The following FCHSD2 variants were observed in gnomAD, a reference collection of about 807,000 sequenced individuals.
FCHSD2 encodes the protein F-BAR and double SH3 domains protein 2.
FCHSD2 carries 38 observed loss-of-function variants against 108.1 expected under a neutral mutation model. The ratio of observed to expected loss-of-function variants is 0.35; its 90% confidence interval spans 0.27 to 0.46. The LOEUF (loss-of-function observed/expected upper bound fraction) is 0.46, where lower values mean the gene tolerates loss of function less well. Ranked by LOEUF, FCHSD2 falls within the 20% of genes least tolerant of loss-of-function variation. The pLI is 1.00. For synonymous variants in FCHSD2, 279 were observed against 314.7 expected (o/e 0.89, Z 1.20); for missense variants, 751 against 897.8 (o/e 0.84, Z 2.09).
chr11:72,861,837 A>G (rs1288804008), intron 13 of FCHSD2, among the ~76,000 whole-genome samples: 1 of 151,990 alleles, frequency 6.6e-6, no homozygotes, highest in East Asian at 1.9e-4. Context: ...AGGCTGAAGC[A>G]GAAGAATCGC....
At chr11:73,041,361 T>C (rs955499582) in intron 3 of FCHSD2, among the ~76,000 whole-genome samples, 26 of 152,216 alleles carry the variant, frequency 1.7e-4, no homozygotes, top group Non-Finnish European at 7.4e-5. Context: ...GTATAAGAGT[T>C]ACCTTTTATC....
intron 9 of FCHSD2, among the ~76,000 whole-genome samples, chr11:72,919,699 TC>T (rs1051356533): frequency 1.3e-5 from 2 of 152,162 alleles, no homozygotes; most frequent in African/African-American, 4.8e-5. Context: ...GTGTCTCCAG[TC>T]CAACTTATTC....
At chr11:72,947,427 C>T (rs1344344294) in intron 8 of FCHSD2, among the ~76,000 whole-genome samples, 2 of 152,228 alleles carry the variant, frequency 1.3e-5, no homozygotes, top group East Asian at 3.8e-4. Flanking sequence ...GTGATACACA[C>T]TTACAAGTTG....
intron 3 of FCHSD2, among the ~76,000 whole-genome samples, chr11:73,054,964 A>G (rs1858988954): frequency 6.6e-6 from 1 of 152,142 alleles, no homozygotes; most frequent in Admixed American, 6.5e-5. Flanking sequence ...CATACTTGAG[A>G]CTGGGTAGTT....
At chr11:72,967,311 G>A (rs1856928620) in intron 8 of FCHSD2, among the ~76,000 whole-genome samples, 1 of 152,074 alleles carries the variant, frequency 6.6e-6, no homozygotes, top group South Asian at 2.1e-4. Context: ...GGAAATAGAT[G>A]AGAATAGAGA....
At chr11:73,077,676 C>T (rs780753642) in intron 3 of FCHSD2, 13 of 407,160 alleles carry the variant, frequency 3.2e-5, no homozygotes, top group Non-Finnish European at 5.7e-5. Flanking sequence ...GAATACTACA[C>T]AGCAATAAAA....
chr11:72,920,132 G>T (rs1855950939), intron 9 of FCHSD2, among the ~76,000 whole-genome samples: 1 of 151,876 alleles, frequency 6.6e-6, no homozygotes, highest in Admixed American at 6.6e-5. Context: ...TGAATATAAA[G>T]GCAAAAATTA....
At position 73,018,523 on chromosome 11, in the gene FCHSD2, T is replaced by TC. The variant is rs952134317; in HGVS notation, c.166-2639_166-2638insG. Among the ~76,000 whole-genome samples, 5 of 151,984 alleles carry TC rather than the reference T, an allele frequency of 3.3e-5. No individual in the cohort carries two copies. In the East Asian group the frequency reaches 9.6e-4, roughly 29 times the overall value. ...CATCAGGTACAGATCTTGTCTTTTTTTTTTTTTTTTAATCATTATATCCCC... is the reference window on the plus strand; with the variant it reads ...CATCAGGTACAGATCTTGTCTTTTTTCTTTTTTTTTTAATCATTATATCCCC... On this transcript the variant is annotated intron_variant, in intron 3 of 19. Coordinates refer to ENST00000409418, the MANE Select transcript of FCHSD2 (RefSeq NM_014824.3).
chr11:72,955,979 C>T (rs1856703785), intron 8 of FCHSD2, among the ~76,000 whole-genome samples: 1 of 152,140 alleles, frequency 6.6e-6, no homozygotes. Flanking sequence ...ATATCATCCT[C>T]CACTAAAAGG....
At chr11:73,140,551 A>T (rs1001096655) in intron 1 of FCHSD2, among the ~76,000 whole-genome samples, 6 of 152,186 alleles carry the variant, frequency 3.9e-5, no homozygotes, top group Non-Finnish European at 7.4e-5. Context: ...ATACCCAATG[A>T]CCAATATTTA....
intron 12 of FCHSD2, among the ~76,000 whole-genome samples, chr11:72,868,500 A>C (rs983864489): frequency 6.6e-6 from 1 of 152,268 alleles, no homozygotes; most frequent in East Asian, 1.9e-4. Context: ...AAACCCGCAC[A>C]TCCTGCACAC....
intron 3 of FCHSD2, among the ~76,000 whole-genome samples, chr11:73,029,454 C>T (rs1858308269): frequency 6.6e-6 from 1 of 152,216 alleles, no homozygotes; most frequent in South Asian, 2.1e-4. Context: ...CAGCTCTTAG[C>T]TCAGCTGTGG....
At chr11:73,048,747 C>A (rs1858824426) in intron 3 of FCHSD2, among the ~76,000 whole-genome samples, 1 of 152,050 alleles carries the variant, frequency 6.6e-6, no homozygotes, top group Non-Finnish European at 1.5e-5. Flanking sequence ...GCCGTATGAC[C>A]AAGTCTAAAA....
chr11:72,890,650 C>T (rs1855294930), intron 10 of FCHSD2, among the ~76,000 whole-genome samples: 2 of 151,566 alleles, frequency 1.3e-5, no homozygotes, highest in African/African-American at 4.8e-5. Flanking sequence ...GTGCAAGGTA[C>T]TATGGAAAGT....
At chr11:72,913,613 T>C (rs1372990902) in intron 9 of FCHSD2, among the ~76,000 whole-genome samples, 3 of 152,224 alleles carry the variant, frequency 2.0e-5, no homozygotes, top group South Asian at 2.1e-4. Context: ...TTGGCATATA[T>C]TGTTCACAGT....
intron 4 of FCHSD2, among the ~76,000 whole-genome samples, chr11:73,011,185 G>C (rs1857856005): frequency 6.6e-6 from 1 of 152,136 alleles, no homozygotes; most frequent in Non-Finnish European, 1.5e-5. Context: ...GTCAGGCTGG[G>C]GTGGCTTGCC....
At chr11:73,045,854 A>T (rs184213415) in intron 3 of FCHSD2, among the ~76,000 whole-genome samples, 16 of 152,254 alleles carry the variant, frequency 1.1e-4, no homozygotes, top group African/African-American at 3.6e-4. Context: ...CCAGCATGGC[A>T]CATGTATACA....
At chr11:72,883,847 G>C (rs1855139592) in intron 12 of FCHSD2, among the ~76,000 whole-genome samples, 2 of 151,594 alleles carry the variant, frequency 1.3e-5, no homozygotes, top group South Asian at 4.2e-4. Flanking sequence ...TGGGAGAATC[G>C]CTTGAGCCCA....
intron 10 of FCHSD2, among the ~76,000 whole-genome samples, chr11:72,892,065 T>A (rs1480277399): frequency 6.6e-6 from 1 of 152,172 alleles, no homozygotes; most frequent in African/African-American, 2.4e-5. Context: ...TCAAAGAGAA[T>A]GAATTTGTAG....
Sources: allele counts gnomAD v4.1 joint callset (sites outside exome capture counted in the v4.1 genomes callset), GRCh38; gene constraint gnomAD v4.1.1; transcripts MANE v1.5; gene names NCBI Gene and HGNC (gene_info 2026-07-23, HGNC 2026-07-21).